The following SLC26A4 variants were observed in gnomAD, a reference collection of about 807,000 sequenced individuals.
SLC26A4 encodes pendrin.
Under a neutral mutation model 90.4 loss-of-function variants are expected in SLC26A4, and 93 were observed. That is an observed-to-expected ratio of 1.03 (90% CI 0.87 to 1.22). The LOEUF (loss-of-function observed/expected upper bound fraction) is 1.22, where lower values mean the gene tolerates loss of function less well. SLC26A4 is among the 50% of genes most tolerant of loss of function. The pLI is 0.00. For synonymous variants in SLC26A4, 393 were observed against 354.6 expected (o/e 1.11, Z -1.22); for missense variants, 1,127 against 946.2 (o/e 1.19, Z -2.51).
intron 13 of SLC26A4, 134 bp from the exon 14 acceptor site, chr7:107,697,908 G>T: frequency 1.4e-6 from 1 of 697,920 alleles, no homozygotes; most frequent in South Asian, 1.6e-5. Flanking sequence ...TTAGCTACAG[G>T]AAAATGTCAT....
At chr7:107,684,605 T>C (rs1330425548) in intron 8 of SLC26A4, among the ~76,000 whole-genome samples, 3 of 152,212 alleles carry the variant, frequency 2.0e-5, no homozygotes, top group Non-Finnish European at 2.9e-5. Flanking sequence ...TTCTCAAACT[T>C]ACCCTTTTGT....
chr7:107,709,902 G>C (rs534122052), intron 18 of SLC26A4, 152 bp from the exon 19 acceptor site: 21 of 647,882 alleles, frequency 3.2e-5, no homozygotes, highest in Non-Finnish European at 5.8e-5. Flanking sequence ...AGGGTGAGGT[G>C]GGGGGATCAC....
rs774685849 is a variant in SLC26A4, at chr7:107,663,283, T to G, written c.165-13T>G. ...GATTGGATTGAAAACCCAGTTTTCTTGCTTTTTGACAGTTGTTCAAGAAAG... is the reference window on the plus strand; with the variant it reads ...GATTGGATTGAAAACCCAGTTTTCTGGCTTTTTGACAGTTGTTCAAGAAAG... On this transcript the variant is annotated splice_polypyrimidine_tract_variant and intron_variant, in intron 2 of 20. Coordinates refer to ENST00000644269, the MANE Select transcript of SLC26A4 (RefSeq NM_000441.2). The G allele has an allele frequency of 1.2e-6, 2 of 1,614,214 alleles. No homozygotes were observed. The highest frequency in any genetic ancestry group is 4.5e-5 in the East Asian group (2 of 44,888).
chr7:107,683,182 A>C lies in SLC26A4; in HGVS notation c.766-20A>C, dbSNP rs376836272. On this transcript the variant is annotated intron_variant, in intron 6 of 20. Transcript: ENST00000644269. ...TGCGTGTAGCAGCAGGAAGTATATA[A>C]AATTATTTTCTTTTTATAGACGCTG... 1.4e-4 allele frequency: 220 copies of C among 1,600,642 alleles called. 3 individuals are homozygous for C. In the South Asian group the frequency reaches 2.3e-3, roughly 16 times the overall value.
chr7:107,708,549 G>T (rs1276166571), intron 18 of SLC26A4, among the ~76,000 whole-genome samples: 1 of 152,052 alleles, frequency 6.6e-6, no homozygotes, highest in East Asian at 1.9e-4. Flanking sequence ...CCAAGCTAGA[G>T]TTAAGTTTTA....
chr7:107,709,672 C>T (rs998534724), intron 18 of SLC26A4, among the ~76,000 whole-genome samples: 7 of 150,780 alleles, frequency 4.6e-5, no homozygotes, highest in Admixed American at 6.6e-5. Flanking sequence ...GCCAAAGGGA[C>T]GTGATCGTCC....
intron 19 of SLC26A4, among the ~76,000 whole-genome samples, chr7:107,712,192 C>T (rs1043108831): frequency 2.0e-5 from 3 of 152,178 alleles, no homozygotes; most frequent in Non-Finnish European, 4.4e-5. Context: ...GCACACTCAA[C>T]GCTGTGCTAA....
chr7:107,665,721 C>A (rs1790690876), intron 3 of SLC26A4, among the ~76,000 whole-genome samples: 1 of 152,140 alleles, frequency 6.6e-6, no homozygotes, highest in Non-Finnish European at 1.5e-5. Flanking sequence ...AAGAATGTTG[C>A]CAGCTATCTC....
chr7:107,692,155 T>C (rs2129316424), intron 10 of SLC26A4: 1 of 1,082,262 alleles, frequency 9.2e-7, no homozygotes, highest in Admixed American at 2.9e-5. Flanking sequence ...TAATACCCCC[T>C]GCCACATACT....
At chr7:107,677,352 A>T (rs1389830589) in intron 6 of SLC26A4, among the ~76,000 whole-genome samples, 1 of 152,198 alleles carries the variant, frequency 6.6e-6, no homozygotes, top group Non-Finnish European at 1.5e-5. Flanking sequence ...GAGTAGTAAT[A>T]GTAGCTACCT....
intron 3 of SLC26A4, among the ~76,000 whole-genome samples, chr7:107,664,397 A>C (rs1790654221): frequency 6.6e-6 from 1 of 152,074 alleles, no homozygotes; most frequent in African/African-American, 2.4e-5. Flanking sequence ...ATGTCCAGCT[A>C]ATTACTGTAT....
intron 8 of SLC26A4, among the ~76,000 whole-genome samples, chr7:107,686,405 T>TTTTCTTTC (rs774114215): frequency 0.061 from 4,997 of 82,490 alleles, 194 homozygotes; most frequent in East Asian, 0.093. Context: ...TCTCTCTCTT[T>TTTTCTTTC]TTTCTTTCTT....
Position 107,675,500 on chromosome 7 carries a change from C to A in SLC26A4, c.765+391C>A, listed in dbSNP as rs540434006. Among the ~76,000 whole-genome samples, 7 of 151,322 alleles carry A rather than the reference C, an allele frequency of 4.6e-5. No individual in the cohort carries two copies. In the East Asian group the frequency reaches 1.4e-3, roughly 29 times the overall value. On this transcript the variant is annotated intron_variant, in intron 6 of 20. Coordinates refer to ENST00000644269, the MANE Select transcript of SLC26A4 (RefSeq NM_000441.2). The stretch of plus-strand genomic sequence containing the variant: ...CCACCCTGGGTGACAGAGCAAGAAC[C>A]TGTTTCAAGCAAAAACAAAATCAAA...
At chr7:107,688,208 T>C (rs1343741633) in intron 8 of SLC26A4, among the ~76,000 whole-genome samples, 1 of 152,180 alleles carries the variant, frequency 6.6e-6, no homozygotes, top group Non-Finnish European at 1.5e-5. Context: ...CTAAGAACCT[T>C]ATTTCTATTT....
chr7:107,705,014 A>G (rs545280637), intron 18 of SLC26A4, among the ~76,000 whole-genome samples: 5 of 152,118 alleles, frequency 3.3e-5, no homozygotes, highest in Non-Finnish European at 5.9e-5. Context: ...TGTGCCTTGC[A>G]TGACCCCAGG....
rs1240479416 is a variant in SLC26A4, at chr7:107,700,069, T to A, written c.1615-14T>A. The A allele has an allele frequency of 7.1e-7, 1 of 1,407,718 alleles. No individual in the cohort carries two copies. Among genetic ancestry groups the A allele is most frequent in the Non-Finnish European group, 1.0e-6 (1 of 992,032 alleles). The allele number at this position is 1,407,718 out of a possible 1,614,324, so 87.2% of individuals were successfully genotyped here. ...TGAAATTATTTAATCCCAGACAATTTCTTTTAATGCCAGATTGAAGAACCT... is the reference window on the plus strand; with the variant it reads ...TGAAATTATTTAATCCCAGACAATTACTTTTAATGCCAGATTGAAGAACCT... On this transcript the variant is annotated splice_polypyrimidine_tract_variant and intron_variant, in intron 14 of 20. Coordinates refer to ENST00000644269, the MANE Select transcript of SLC26A4 (RefSeq NM_000441.2).
intron 16 of SLC26A4, 37 bp downstream of exon 16, chr7:107,701,233 T>C (rs778138703): frequency 1.5e-6 from 2 of 1,333,336 alleles, no homozygotes; most frequent in Admixed American, 3.4e-5. Context: ...TTAAATTATT[T>C]CCTTTCCCTG....
At chr7:107,702,461 G>A (rs1227512155) in intron 17 of SLC26A4, among the ~76,000 whole-genome samples, 1 of 152,086 alleles carries the variant, frequency 6.6e-6, no homozygotes, top group Admixed American at 6.5e-5. Flanking sequence ...GGAGGCTGAG[G>A]CAGGTGGATC....
intron 6 of SLC26A4, among the ~76,000 whole-genome samples, chr7:107,679,639 A>G (rs1241528692): frequency 6.6e-6 from 1 of 151,356 alleles, no homozygotes; most frequent in Non-Finnish European, 1.5e-5. Flanking sequence ...CTATTACCAA[A>G]AAGTTCATTA....
Sources: gnomAD v4.1 joint callset for allele counts (sites outside exome capture counted in the v4.1 genomes callset) on GRCh38, gnomAD v4.1.1 for gene constraint, MANE v1.5 for transcripts, NCBI Gene and HGNC (gene_info 2026-07-23, HGNC 2026-07-21) for gene names.